The following AUTS2 variants were observed in gnomAD, a reference collection of about 807,000 sequenced individuals.
AUTS2 encodes activator of transcription and developmental regulator AUTS2.
AUTS2 carries 17 observed loss-of-function variants against 112.4 expected under a neutral mutation model. The ratio of observed to expected loss-of-function variants is 0.15; its 90% CI spans 0.10 to 0.23. AUTS2 has a LOEUF of 0.23. Among genes scored for constraint, AUTS2 ranks in the 10% least tolerant of loss-of-function variants. The pLI, the probability that AUTS2 is intolerant of heterozygous loss-of-function variation, is 1.00. For missense variants in AUTS2, 1,510 were observed against 1,701.6 expected (o/e 0.89, Z 1.98); for synonymous variants, 751 against 702.7 (o/e 1.07, Z -1.09).
intron 4 of AUTS2, among the ~76,000 whole-genome samples, chr7:70,347,363 T>C (rs1791542414): frequency 1.3e-5 from 2 of 152,214 alleles, no homozygotes; most frequent in Admixed American, 1.3e-4. Flanking sequence ...TCCATTAGAC[T>C]ATAATTTCCT....
chr7:70,390,286 T>A (rs1793794052), intron 4 of AUTS2, among the ~76,000 whole-genome samples: 1 of 152,212 alleles, frequency 6.6e-6, no homozygotes. Flanking sequence ...CATGCCAAGA[T>A]TTTCTGATTC....
intron 2 of AUTS2, among the ~76,000 whole-genome samples, chr7:69,920,389 C>A (rs570674627): frequency 6.6e-6 from 1 of 152,030 alleles, no homozygotes; most frequent in South Asian, 2.1e-4. Flanking sequence ...CTGGCTCAAG[C>A]AATCCTCCCG....
At chr7:70,352,006 A>C (rs565019123) in intron 4 of AUTS2, among the ~76,000 whole-genome samples, 1 of 152,168 alleles carries the variant, frequency 6.6e-6, no homozygotes, top group Non-Finnish European at 1.5e-5. Flanking sequence ...CCCAGCCTTG[A>C]CCATTATTTT....
At chr7:70,482,346 A>G (rs549201810) in intron 5 of AUTS2, among the ~76,000 whole-genome samples, 2 of 152,050 alleles carry the variant, frequency 1.3e-5, no homozygotes, top group African/African-American at 4.8e-5. Context: ...CCCCCATCAC[A>G]CTTTGAAAAG....
intron 5 of AUTS2, chr7:70,436,861 C>G (rs966571300): frequency 6.6e-6 from 1 of 152,132 alleles, no homozygotes; most frequent in African/African-American, 2.4e-5. Flanking sequence ...TTATAAAATG[C>G]GAGACATCAT....
chr7:70,026,745 T>C (rs1318290636), intron 2 of AUTS2, among the ~76,000 whole-genome samples: 1 of 152,136 alleles, frequency 6.6e-6, no homozygotes, highest in African/African-American at 2.4e-5. Context: ...CTTTAATATA[T>C]CTGAATGGGT....
At chr7:69,741,638 G>A (rs1787269407) in intron 1 of AUTS2, among the ~76,000 whole-genome samples, 1 of 151,854 alleles carries the variant, frequency 6.6e-6, no homozygotes, top group Admixed American at 6.6e-5. Context: ...CTGGAAGGCA[G>A]AGGTTGCAGT....
At chr7:69,636,409 A>G (rs1018534780) in intron 1 of AUTS2, among the ~76,000 whole-genome samples, 1 of 114,300 alleles carries the variant, frequency 8.7e-6, no homozygotes, top group African/African-American at 3.5e-5. Flanking sequence ...TAATTTTTGT[A>G]TTTTTTGTAG....
intron 5 of AUTS2, among the ~76,000 whole-genome samples, chr7:70,508,034 C>T (rs1316417677): frequency 3.9e-5 from 6 of 152,172 alleles, no homozygotes; most frequent in African/African-American, 9.7e-5. Context: ...CAATCACACT[C>T]TCTCCAGCAC....
At chr7:69,863,979 A>G (rs1464247337) in intron 1 of AUTS2, among the ~76,000 whole-genome samples, 1 of 152,142 alleles carries the variant, frequency 6.6e-6, no homozygotes, top group East Asian at 1.9e-4. Flanking sequence ...TCTCTGACAG[A>G]CCTGTGACTT....
At chr7:70,675,096 TCC>T (rs35791080) in intron 5 of AUTS2, among the ~76,000 whole-genome samples, 1 of 151,144 alleles carries the variant, frequency 6.6e-6, no homozygotes, top group Admixed American at 6.6e-5. Flanking sequence ...AAATTAATCC[TCC>T]CCCCCCTCAA....
At chr7:69,979,145 G>A (rs1327938652) in intron 2 of AUTS2, among the ~76,000 whole-genome samples, 1 of 152,178 alleles carries the variant, frequency 6.6e-6, no homozygotes, top group Non-Finnish European at 1.5e-5. Context: ...ATAAATTTGT[G>A]TCAGAAAACT....
chr7:69,931,203 CTT>C (rs1295624696), intron 2 of AUTS2, among the ~76,000 whole-genome samples: 1 of 152,040 alleles, frequency 6.6e-6, no homozygotes, highest in African/African-American at 2.4e-5. Context: ...TGAAACCAGA[CTT>C]GCCATTCTTA....
chr7:69,782,983 G>A (rs975129500), intron 1 of AUTS2, among the ~76,000 whole-genome samples: 1 of 151,614 alleles, frequency 6.6e-6, no homozygotes, highest in Non-Finnish European at 1.5e-5. Flanking sequence ...CCTCTTACTC[G>A]TACCCAAATC....
At chr7:70,039,645 G>A (rs1013372945) in intron 2 of AUTS2, among the ~76,000 whole-genome samples, 4 of 152,064 alleles carry the variant, frequency 2.6e-5, no homozygotes, top group African/African-American at 4.8e-5. Context: ...CATTGCACCC[G>A]GCCTGAGCTA....
intron 1 of AUTS2, among the ~76,000 whole-genome samples, chr7:69,666,816 C>T (rs1347450043): frequency 1.3e-5 from 2 of 151,988 alleles, no homozygotes; most frequent in African/African-American, 2.4e-5. Flanking sequence ...GTGGGAGGAT[C>T]GCTTGAGCCC....
At chr7:70,310,471 G>A (rs185910975) in intron 4 of AUTS2, among the ~76,000 whole-genome samples, 31 of 152,232 alleles carry the variant, frequency 2.0e-4, no homozygotes, top group Non-Finnish European at 4.1e-4. Flanking sequence ...AAATTAGCTG[G>A]GCGTGGTGGT....
intron 1 of AUTS2, among the ~76,000 whole-genome samples, chr7:69,617,812 G>A (rs1793459044): frequency 2.6e-5 from 4 of 152,188 alleles, no homozygotes; most frequent in Admixed American, 2.0e-4. Context: ...TTTCCTGTTA[G>A]TGGGTATGGC....
intron 2 of AUTS2, among the ~76,000 whole-genome samples, chr7:70,051,089 C>T (rs6950485): frequency 0.37 from 55,671 of 152,098 alleles, 10,759 homozygotes; most frequent in African/African-American, 0.49. Context: ...TTACAGCTCA[C>T]TTTGAAGAGC....
Sources: gnomAD v4.1 joint callset for allele counts (sites outside exome capture counted in the v4.1 genomes callset) on GRCh38, gnomAD v4.1.1 for gene constraint, MANE v1.5 for transcripts, NCBI Gene and HGNC (gene_info 2026-07-23, HGNC 2026-07-21) for gene names.